Variants in UFC1 observed in about 807,000 individuals in gnomAD.
UFC1 encodes the protein ubiquitin-fold modifier-conjugating enzyme 1.
UFC1 carries 22 observed loss-of-function variants against 28.0 expected under a neutral mutation model. That is an observed-to-expected ratio of 0.78 (90% CI 0.56 to 1.12). The LOEUF (loss-of-function observed/expected upper bound fraction) is 1.12, where lower values mean the gene tolerates loss of function less well. Ranked by LOEUF, UFC1 falls within the 50% of genes most tolerant of loss-of-function variation. The pLI is 0.00. For missense variants in UFC1, 189 were observed against 207.8 expected (o/e 0.91, Z 0.56); for synonymous variants, 61 against 74.5 (o/e 0.82, Z 0.93).
At chr1:161,154,647 G>C (rs1482064689) in intron 1 of UFC1, among the ~76,000 whole-genome samples, 3 of 152,130 alleles carry the variant, frequency 2.0e-5, no homozygotes, top group Non-Finnish European at 4.4e-5. Flanking sequence ...ACCACACCCA[G>C]CTAATTTTTG....
Position 161,158,534 on chromosome 1 carries a change from G to T in UFC1, c.*42G>T, listed in dbSNP as rs1398430408. 2 of 1,600,950 alleles carry T rather than the reference G, an allele frequency of 1.2e-6. No homozygotes were observed. The highest frequency in any genetic ancestry group is 1.7e-6 in the Non-Finnish European group (2 of 1,168,292). On this transcript the variant is annotated 3_prime_UTR_variant, in exon 6 of 6. Transcript: ENST00000368003. ...GGCAGGGCAGAGGGACCTTTGATAG[G>T]CTACGATACTATTTTCCTGTGCATC...
chr1:161,155,268 C>G (rs1487173612), intron 1 of UFC1, among the ~76,000 whole-genome samples: 1 of 152,074 alleles, frequency 6.6e-6, no homozygotes, highest in African/African-American at 2.4e-5. Flanking sequence ...ATAAGCTAGC[C>G]TGATAAAACA....
chr1:161,158,051 GCCC>G (rs766725090), intron 4 of UFC1, 67 bp from the exon 5 acceptor site: 26 of 1,325,812 alleles, frequency 2.0e-5, no homozygotes, highest in Non-Finnish European at 2.8e-5. Flanking sequence ...GTCTTCCTAT[GCCC>G]CCAAGAGGCT....
At chr1:161,157,353 A>G in intron 3 of UFC1, 36 bp downstream of exon 3, 1 of 1,611,434 alleles carries the variant, frequency 6.2e-7, no homozygotes, top group Non-Finnish European at 8.5e-7. Flanking sequence ...GAAGGTTAGT[A>G]GAAGGGGAGG....
rs757339118 is a variant in UFC1 at position 161,158,448 on chromosome 1, A to G, written c.460A>G (p.Ile154Val). The change falls in exon 6 of 6, where the codon ATT becomes GTT. Residue 154 changes from isoleucine (I) to valine (V), a missense_variant. Physicochemically the swap from Ile to Val is conservative, Grantham distance 29 (BLOSUM62 3). Transcript: ENST00000368003. ...GCTGGCAGTGGAAATCCCTGATCTG[A>G]TTCAGAAGGGCGTCATCCAACACAA... ...PWLAVEIPDLIQKGVIQHKEK... is the reference protein window; with the variant it reads ...PWLAVEIPDLVQKGVIQHKEK... 1 of 1,614,220 alleles carries G rather than the reference A, an allele frequency of 6.2e-7. No homozygotes were observed. The highest frequency in any genetic ancestry group is 8.5e-7 in the Non-Finnish European group (1 of 1,180,034).
At chr1:161,155,763 C>A (rs917476752) in intron 1 of UFC1, among the ~76,000 whole-genome samples, 4 of 152,150 alleles carry the variant, frequency 2.6e-5, no homozygotes, top group Admixed American at 2.6e-4. Context: ...AGGTTTTTGC[C>A]TTGGGTGAAT....
At position 161,156,945 on chromosome 1, in the gene UFC1, T is replaced by C; in HGVS notation, c.124-5T>C. ...TCTCTCAAAGACCTCATTCTCTGCTTTCAGTATGTGGAGAACAACAAGAAT... is the reference window on the plus strand; with the variant it reads ...TCTCTCAAAGACCTCATTCTCTGCTCTCAGTATGTGGAGAACAACAAGAAT... On this transcript the variant is annotated splice_region_variant and splice_polypyrimidine_tract_variant and intron_variant, in intron 1 of 5. Coordinates refer to ENST00000368003, the MANE Select transcript of UFC1 (RefSeq NM_016406.4). 2 of 1,614,036 alleles carry C rather than the reference T, an allele frequency of 1.2e-6. No homozygotes were observed. Among genetic ancestry groups the C allele is most frequent in the Non-Finnish European group, 1.7e-6 (2 of 1,179,900 alleles).
chr1:161,155,518 G>A (rs953805384), intron 1 of UFC1, among the ~76,000 whole-genome samples: 2 of 152,152 alleles, frequency 1.3e-5, no homozygotes, highest in Non-Finnish European at 2.9e-5. Flanking sequence ...TTACATGGCC[G>A]ATTTGGGTTT....
chr1:161,157,221 G>C, intron 2 of UFC1, 33 bp from the exon 3 acceptor site: 1 of 1,613,844 alleles, frequency 6.2e-7, no homozygotes, highest in Non-Finnish European at 8.5e-7. Flanking sequence ...GGAAGAATAG[G>C]CAAATTGGAC....
At position 161,158,412 on chromosome 1, in the gene UFC1, C is replaced by G; in HGVS notation, c.424C>G (p.Leu142Val). ...TCACAGGATTTTCCTTGTATTGCAG[C>G]TGGGTCCATGGCTGGCAGTGGAAAT... ...FGLAHLMALG[L>V]GPWLAVEIPD... The change falls in exon 6 of 6, where the codon CTG becomes GTG. Residue 142 changes from leucine to valine, a missense_variant and splice_region_variant. Coordinates refer to ENST00000368003, the MANE Select transcript of UFC1 (RefSeq NM_016406.4). 1 of 1,614,198 alleles carries G rather than the reference C, an allele frequency of 6.2e-7. No homozygotes were observed. The highest frequency in any genetic ancestry group is 8.5e-7 in the Non-Finnish European group (1 of 1,180,038).
chr1:161,154,108 G>C lies in UFC1; in HGVS notation c.111G>C (p.Gln37His). 6.2e-7 allele frequency: 1 copy of C among 1,614,090 alleles called. No individual in the cohort carries two copies. Among genetic ancestry groups the C allele is most frequent in the Non-Finnish European group, 8.5e-7 (1 of 1,180,020 alleles). The change falls in exon 1 of 6, where the codon CAG becomes CAC. Residue 37 changes from glutamine (Q) to histidine (H), a missense_variant. Coordinates refer to ENST00000368003, the MANE Select transcript of UFC1 (RefSeq NM_016406.4). ...LWVQRLKEEY[Q>H]SLIRYVENNK... Reference sequence around the variant, plus strand: ...TGCAGCGACTGAAGGAGGAATATCAGTCCCTTATCCGGGTTAGTTGTGTTT... The same window carrying C: ...TGCAGCGACTGAAGGAGGAATATCACTCCCTTATCCGGGTTAGTTGTGTTT...
At chr1:161,156,886 T>C (rs967481661) in intron 1 of UFC1, 64 bp from the exon 2 acceptor site, 2 of 1,356,692 alleles carry the variant, frequency 1.5e-6, no homozygotes, top group South Asian at 2.5e-5. Context: ...ACTTTTCTTT[T>C]GAGGAGAGGG....
Position 161,153,992 on chromosome 1 carries a change from T to G in UFC1, c.-6T>G, listed in dbSNP as rs746315985. 2 of 1,614,080 alleles carry G rather than the reference T, an allele frequency of 1.2e-6. No individual in the cohort carries two copies. The highest frequency in any genetic ancestry group is 1.7e-6 in the Non-Finnish European group (2 of 1,180,004). Reference sequence around the variant, plus strand: ...CTTCCGCGTTTCTCTTGCGCCCTGGTCCAAGATGGCGGATGAAGCCACGCG... The same window carrying G: ...CTTCCGCGTTTCTCTTGCGCCCTGGGCCAAGATGGCGGATGAAGCCACGCG... On this transcript the variant is annotated 5_prime_UTR_variant, in exon 1 of 6. Coordinates refer to ENST00000368003, the MANE Select transcript of UFC1 (RefSeq NM_016406.4).
chr1:161,157,723 CAAAG>C (rs1307158798), intron 4 of UFC1, 30 bp downstream of exon 4: 2 of 1,591,662 alleles, frequency 1.3e-6, no homozygotes, highest in African/African-American at 1.3e-5. Context: ...GGCAAAGAGT[CAAAG>C]AAAGCCTTAA....
At chr1:161,157,152 G>T in intron 2 of UFC1, 102 bp from the exon 3 acceptor site, 1 of 1,546,192 alleles carries the variant, frequency 6.5e-7, no homozygotes, top group Admixed American at 1.7e-5. Context: ...GAGTTCCCCA[G>T]TTCCCATCCT....
At chr1:161,157,041 G>A (rs776352697) in intron 2 of UFC1, 24 bp downstream of exon 2, 6 of 1,611,800 alleles carry the variant, frequency 3.7e-6, no homozygotes, top group Non-Finnish European at 5.1e-6. Context: ...CTTGGGAGGT[G>A]TGGGGTGGGA....
intron 4 of UFC1, 168 bp downstream of exon 4, chr1:161,157,861 C>T: frequency 1.5e-6 from 1 of 646,054 alleles, no homozygotes; most frequent in Non-Finnish European, 2.7e-6. Flanking sequence ...ATGTAACAAA[C>T]CTATACATCC....
intron 1 of UFC1, 91 bp downstream of exon 1, chr1:161,154,211 C>T (rs1425412218): frequency 1.3e-6 from 2 of 1,553,068 alleles, no homozygotes; most frequent in South Asian, 2.4e-5. Context: ...AAGCCGCTTC[C>T]GGTTTTTAAG....
Position 161,157,085 on chromosome 1 carries a change from C to T in UFC1, c.191+68C>T, listed in dbSNP as rs572091473. The T allele has an allele frequency of 2.0e-5, 30 of 1,532,758 alleles. No homozygotes were observed. In the East Asian group the frequency reaches 2.9e-4, roughly 15 times the overall value. The allele number at this position is 1,532,758 out of a possible 1,614,324, so 94.9% of individuals were successfully genotyped here. On this transcript the variant is annotated intron_variant, in intron 2 of 5. Transcript: ENST00000368003. ...TGAGTTAGGCAATTTGGTATCCTAGCGCCCACTACCAAAGCTGCCCTGTCA... is the reference window on the plus strand; with the variant it reads ...TGAGTTAGGCAATTTGGTATCCTAGTGCCCACTACCAAAGCTGCCCTGTCA...
Sources: allele counts gnomAD v4.1 joint callset (sites outside exome capture counted in the v4.1 genomes callset), GRCh38; gene constraint gnomAD v4.1.1; transcripts MANE v1.5; gene names NCBI Gene and HGNC (gene_info 2026-07-23, HGNC 2026-07-21).